TUBB8: variants seen among roughly 807,000 people sequenced by gnomAD.
TUBB8 encodes the protein tubulin beta 8 class VIII.
In TUBB8, 25 loss-of-function variants were observed where a neutral mutation model predicts 33.7. That is an observed-to-expected ratio of 0.74 (90% CI 0.54 to 1.04). TUBB8 has a LOEUF of 1.04. Ranked by LOEUF, TUBB8 falls within the 50% of genes least tolerant of loss-of-function variation. TUBB8 has a pLI of 0.00. For synonymous variants in TUBB8, 245 were observed against 240.1 expected, an observed-to-expected ratio of 1.02 and a Z score of -0.19; for missense variants, 279 against 608.0, an observed-to-expected ratio of 0.46 and a Z score of 5.69.
intron 1 of TUBB8, among the ~76,000 whole-genome samples, chr10:69,301 C>T (rs1834708196): frequency 6.6e-6 from 1 of 152,188 alleles, no homozygotes; most frequent in Non-Finnish European, 1.5e-5. Context: ...ACACAGCAGC[C>T]TCCTGGGTGT....
At chr10:61,623 A>T (rs1413599601) in intron 1 of TUBB8, among the ~76,000 whole-genome samples, 3 of 152,234 alleles carry the variant, frequency 2.0e-5, no homozygotes, top group Non-Finnish European at 4.4e-5. Flanking sequence ...CATTTGTTAT[A>T]CAGTGCAGAT....
upstream of TUBB8, among the ~76,000 whole-genome samples, chr10:51,817 G>C (rs1382382628): frequency 6.6e-6 from 1 of 152,188 alleles, no homozygotes; most frequent in Non-Finnish European, 1.5e-5. Context: ...TCTAATGTTA[G>C]TTTATTATCT....
chr10:57,456 C>T (rs1588276601), intron 1 of TUBB8, among the ~76,000 whole-genome samples: 1 of 152,216 alleles, frequency 6.6e-6, no homozygotes, highest in South Asian at 2.1e-4. Flanking sequence ...TGCCTGCACA[C>T]CCTGGCTTTT....
chr10:48,584 A>G, intron 3 of TUBB8, 31 bp downstream of exon 3: 1 of 1,579,204 alleles, frequency 6.3e-7, no homozygotes, highest in Non-Finnish European at 8.7e-7. Context: ...CTGGCTAAGG[A>G]GCCGCACCCC....
intron 1 of TUBB8, among the ~76,000 whole-genome samples, chr10:69,383 T>C (rs1554742031): frequency 6.6e-6 from 1 of 152,212 alleles, no homozygotes; most frequent in African/African-American, 2.4e-5. Flanking sequence ...TCTAAGACAC[T>C]GTCCAGCAAA....
chr10:75,910 G>A (rs1402681140), upstream of TUBB8, among the ~76,000 whole-genome samples: 1 of 151,860 alleles, frequency 6.6e-6, no homozygotes, highest in Non-Finnish European at 1.5e-5. Flanking sequence ...AGGCTAAGGC[G>A]GGTGGATTTC....
intron 1 of TUBB8, among the ~76,000 whole-genome samples, chr10:59,985 C>G (rs1834577336): frequency 2.0e-5 from 3 of 151,954 alleles, no homozygotes; most frequent in African/African-American, 2.4e-5. Context: ...CCTTTTTCAC[C>G]TTTGATTTTA....
rs183604166 is a variant in TUBB8 at position 55,972 on chromosome 10, T to C, written c.-845-5739A>G. On this transcript the variant is annotated intron_variant, in intron 1 of 3. Coordinates refer to the TUBB8 transcript ENST00000564130. ...CAGAATAGCTTTGACTATTATGGTG[T>C]TTTGTGGTTCCATATATATTTCAGA... Among the ~76,000 whole-genome samples the C allele has an allele frequency of 4.9e-3, 746 of 152,308 alleles. 1 individual carries two copies. Among genetic ancestry groups the C allele is most frequent in the African/African-American group, 0.017 (701 of 41,540 alleles).
chr10:47,144 G>T lies in TUBB8; in HGVS notation c.1248C>A (p.Asn416Lys). ...MEFTEAESNM[N>K]DLVSEYQQYQ... Reference sequence around the variant, plus strand: ...ATTGCTGATATTCAGACACCAGGTCGTTCATGTTGCTCTCGGCCTCGGTGA... The same window carrying T: ...ATTGCTGATATTCAGACACCAGGTCTTTCATGTTGCTCTCGGCCTCGGTGA... The change falls in exon 4 of 4, where the codon AAC becomes AAA. Residue 416 changes from asparagine to lysine, a missense_variant. By Grantham distance (94) the Asn-to-Lys change is moderately conservative (BLOSUM62 0). Around this residue, in one of 4 missense-constraint regions of TUBB8, gnomAD observed 123 missense variants for 228.9 expected, o/e 0.54. Coordinates refer to ENST00000568584, the MANE Select transcript of TUBB8 (RefSeq NM_177987.3). The T allele has an allele frequency of 6.4e-7, 1 of 1,570,962 alleles. No homozygotes were observed. Among genetic ancestry groups the T allele is most frequent in the Non-Finnish European group, 8.7e-7 (1 of 1,146,002 alleles).
chr10:69,549 T>C (rs1266657574), intron 1 of TUBB8, among the ~76,000 whole-genome samples: 3 of 152,194 alleles, frequency 2.0e-5, no homozygotes, highest in Admixed American at 1.3e-4. Flanking sequence ...CCAAAGTCCA[T>C]GTATGAGATA....
At chr10:52,846 G>C (rs1431091396), upstream of TUBB8, among the ~76,000 whole-genome samples, 1 of 152,186 alleles carries the variant, frequency 6.6e-6, no homozygotes, top group East Asian at 1.9e-4. Context: ...TATTAAGATA[G>C]AGAATTCTAG....
At chr10:75,857 G>A (rs1275912783), upstream of TUBB8, among the ~76,000 whole-genome samples, 2 of 151,960 alleles carry the variant, frequency 1.3e-5, no homozygotes, top group Non-Finnish European at 2.9e-5. Context: ...ACCAAGCACT[G>A]GCCAGGCGAG....
rs1435895626 is a variant in TUBB8, at chr10:48,755, G to A, written c.167-30C>T. ...GTGGGGCGGGAGGGCATGAGCGAGG[G>A]GAGGGCCGCGTTCCCAGGAGGGCGG... On this transcript the variant is annotated intron_variant, in intron 2 of 3. Coordinates refer to ENST00000568584, the MANE Select transcript of TUBB8 (RefSeq NM_177987.3). 16 of 1,607,584 alleles carry A rather than the reference G, an allele frequency of 1.0e-5. 1 individual carries two copies. In the Admixed American group the frequency reaches 1.2e-4, roughly 12 times the overall value.
intron 1 of TUBB8, among the ~76,000 whole-genome samples, chr10:70,270 GTTTTTGTT>G (rs1365107325): frequency 1.7e-3 from 103 of 61,894 alleles, no homozygotes; most frequent in Non-Finnish European, 2.0e-3. Context: ...GTTTTGTTTT[GTTTTTGTT>G]TTTTTATTTT....
chr10:76,529 C>G (rs1404237557), upstream of TUBB8, among the ~76,000 whole-genome samples: 1 of 152,040 alleles, frequency 6.6e-6, no homozygotes, highest in Non-Finnish European at 1.5e-5. Flanking sequence ...GGACGTGGCC[C>G]CAGGTGTCCC....
At chr10:55,418 C>A (rs2130938583) in intron 1 of TUBB8, among the ~76,000 whole-genome samples, 1 of 152,328 alleles carries the variant, frequency 6.6e-6, no homozygotes, top group Non-Finnish European at 1.5e-5. Context: ...AGGTAATTCA[C>A]AAATATTTTC....
upstream of TUBB8, among the ~76,000 whole-genome samples, chr10:51,177 C>G (rs149455558): frequency 6.6e-6 from 1 of 152,180 alleles, no homozygotes; most frequent in Non-Finnish European, 1.5e-5. Flanking sequence ...CTCTGTTGCT[C>G]AGGCTGGAGT....
chr10:52,308 G>A (rs1834478703), upstream of TUBB8, among the ~76,000 whole-genome samples: 1 of 152,196 alleles, frequency 6.6e-6, no homozygotes. Flanking sequence ...TCCTTGGAGT[G>A]GGGGTCTTGT....
chr10:68,840 A>G (rs1834703637), intron 1 of TUBB8, among the ~76,000 whole-genome samples: 1 of 152,202 alleles, frequency 6.6e-6, no homozygotes, highest in Non-Finnish European at 1.5e-5. Context: ...TGCCTGCCCC[A>G]AGTGGGAGAA....
Sources: allele counts gnomAD v4.1 joint callset (sites outside exome capture counted in the v4.1 genomes callset), GRCh38; gene constraint gnomAD v4.1.1; regional missense constraint gnomAD v4.1.1; transcripts MANE v1.5; gene names NCBI Gene and HGNC (gene_info 2026-07-23, HGNC 2026-07-21).